MPP7: variants seen among roughly 807,000 people sequenced by gnomAD.
MPP7 encodes MAGUK p55 scaffold protein 7, also known as MAGUK p55 subfamily member 7.
In MPP7, 60 loss-of-function variants were observed where a neutral mutation model predicts 76.5. That is an observed-to-expected ratio of 0.78 (90% CI 0.64 to 0.97). The LOEUF (loss-of-function observed/expected upper bound fraction) is 0.97, where lower values mean the gene tolerates loss of function less well. Ranked by LOEUF, MPP7 falls within the 50% of genes least tolerant of loss-of-function variation. MPP7 has a pLI of 0.00. For synonymous variants in MPP7, 237 were observed against 244.5 expected (o/e 0.97, Z 0.29); for missense variants, 641 against 694.0 (o/e 0.92, Z 0.86).
At chr10:28,304,206 A>G (rs952078321), upstream of MPP7, among the ~76,000 whole-genome samples, 1 of 152,148 alleles carries the variant, frequency 6.6e-6, no homozygotes, top group Non-Finnish European at 1.5e-5. Flanking sequence ...ATCCCCCAGA[A>G]CTGGTGTCAG....
At chr10:28,216,134 C>A (rs1838301490) in intron 2 of MPP7, among the ~76,000 whole-genome samples, 1 of 151,558 alleles carries the variant, frequency 6.6e-6, no homozygotes, top group Admixed American at 6.6e-5. Flanking sequence ...ACACCCAACA[C>A]TGGGAGGCTG....
chr10:28,329,352 A>G (rs1834449630), intron 2 of MPP7, among the ~76,000 whole-genome samples: 2 of 152,034 alleles, frequency 1.3e-5, no homozygotes, highest in Admixed American at 6.6e-5. Context: ...TACCTTAAAA[A>G]CCACTACTTT....
At chr10:28,073,267 TC>T (rs1852321674) in intron 12 of MPP7, among the ~76,000 whole-genome samples, 1 of 152,094 alleles carries the variant, frequency 6.6e-6, no homozygotes, top group African/African-American at 2.4e-5. Flanking sequence ...GATCTATGCT[TC>T]CCCATTGCCA....
At chr10:28,306,543 G>A (rs1841256966), upstream of MPP7, among the ~76,000 whole-genome samples, 1 of 151,200 alleles carries the variant, frequency 6.6e-6, no homozygotes, top group Admixed American at 6.6e-5. Context: ...AGCTACTCGG[G>A]AGGCTGAGGT....
chr10:28,175,282 G>A (rs764570937), intron 3 of MPP7, among the ~76,000 whole-genome samples: 9 of 150,550 alleles, frequency 6.0e-5, no homozygotes, highest in East Asian at 2.0e-4. Context: ...AGAGTGAGAT[G>A]TCGTCTCAAA....
intron 2 of MPP7, among the ~76,000 whole-genome samples, chr10:28,218,758 C>CA (rs1180112512): frequency 3.2e-4 from 49 of 151,942 alleles, no homozygotes; most frequent in Non-Finnish European, 6.0e-4. Context: ...TTGTCCAAAA[C>CA]AAAATTTAAA....
At chr10:28,176,735 TA>T (rs113507861) in intron 3 of MPP7, among the ~76,000 whole-genome samples, 1 of 150,032 alleles carries the variant, frequency 6.7e-6, no homozygotes, top group African/African-American at 2.5e-5. Flanking sequence ...AGACTCTGTC[TA>T]AAAAAAAAGA....
chr10:28,228,582 A>G (rs898509763), intron 2 of MPP7, among the ~76,000 whole-genome samples: 4 of 152,140 alleles, frequency 2.6e-5, no homozygotes, highest in African/African-American at 9.7e-5. Flanking sequence ...CCTGGCCAAC[A>G]TGGTGAAACC....
At chr10:28,207,556 A>G (rs930053884) in intron 2 of MPP7, among the ~76,000 whole-genome samples, 3 of 152,030 alleles carry the variant, frequency 2.0e-5, no homozygotes, top group Admixed American at 6.6e-5. Context: ...ATGGTGGTGC[A>G]CACCTGTAGT....
intron 3 of MPP7, among the ~76,000 whole-genome samples, chr10:28,198,425 A>G (rs959849408): frequency 7.2e-5 from 11 of 152,146 alleles, no homozygotes; most frequent in Admixed American, 5.2e-4. Flanking sequence ...AAATACAAAA[A>G]TTAGCCGGGA....
At chr10:28,165,940 G>A (rs545900190) in intron 3 of MPP7, among the ~76,000 whole-genome samples, 17 of 145,292 alleles carry the variant, frequency 1.2e-4, no homozygotes, top group East Asian at 8.2e-4. Flanking sequence ...CCGAAGAATC[G>A]CTTGAACTCC....
intron 2 of MPP7, among the ~76,000 whole-genome samples, chr10:28,322,004 TACTC>T (rs1441816908): frequency 8.0e-5 from 12 of 149,306 alleles, no homozygotes; most frequent in East Asian, 7.8e-4. Flanking sequence ...GCTGTACAGA[TACTC>T]ACAGAAGATA....
At chr10:28,238,793 A>G in intron 1 of MPP7, 58 bp from the exon 2 acceptor site, 1 of 595,632 alleles carries the variant, frequency 1.7e-6, no homozygotes, top group Non-Finnish European at 3.0e-6. Flanking sequence ...AAATCACAAC[A>G]TTCTGTAACT....
chr10:28,330,155 C>T (rs74792114), intron 1 of MPP7, among the ~76,000 whole-genome samples: 6 of 152,144 alleles, frequency 3.9e-5, no homozygotes, highest in Admixed American at 6.5e-5. Flanking sequence ...TAGTGGAGTA[C>T]CTTATATCAG....
At chr10:28,296,724 T>G (rs756226972) in intron 1 of MPP7, among the ~76,000 whole-genome samples, 1 of 152,158 alleles carries the variant, frequency 6.6e-6, no homozygotes, top group Admixed American at 6.5e-5. Flanking sequence ...TTCTAGTAAA[T>G]AGAAAGACTA....
chr10:28,086,960 A>T (rs1046035558), intron 12 of MPP7, among the ~76,000 whole-genome samples: 6 of 152,080 alleles, frequency 3.9e-5, no homozygotes, highest in Non-Finnish European at 8.8e-5. Context: ...GAAGTTTCCC[A>T]TTTTATTTTT....
chr10:28,113,364 A>C (rs1834564195), intron 11 of MPP7, among the ~76,000 whole-genome samples: 1 of 151,968 alleles, frequency 6.6e-6, no homozygotes, highest in African/African-American at 2.4e-5. Flanking sequence ...TGAGTAATAC[A>C]CTACCTCTGC....
chr10:28,321,586 T>TTTTTTG (rs931537756), intron 2 of MPP7, among the ~76,000 whole-genome samples: 2 of 152,040 alleles, frequency 1.3e-5, no homozygotes, highest in Non-Finnish European at 2.9e-5. Context: ...TAATAGAAAT[T>TTTTTTG]TTTTTGTTTT....
At chr10:28,077,870 T>G (rs1222535867) in intron 12 of MPP7, among the ~76,000 whole-genome samples, 2 of 152,184 alleles carry the variant, frequency 1.3e-5, no homozygotes, top group Non-Finnish European at 2.9e-5. Context: ...GTGGCATAAT[T>G]ATGATGATGA....
Sources: gnomAD v4.1 joint callset for allele counts (sites outside exome capture counted in the v4.1 genomes callset) on GRCh38, gnomAD v4.1.1 for gene constraint, MANE v1.5 for transcripts, NCBI Gene and HGNC (gene_info 2026-07-23, HGNC 2026-07-21) for gene names.